Variants in RAB39A observed in about 807,000 individuals in gnomAD.
RAB39A encodes RAB39A, member RAS oncogene family, also known as ras-related protein Rab-39A.
RAB39A carries 17 observed loss-of-function variants against 20.9 expected under a neutral mutation model. The observed-to-expected ratio is 0.81, with a 90% confidence interval of 0.56 to 1.22. The LOEUF (loss-of-function observed/expected upper bound fraction) is 1.22, where lower values mean the gene tolerates loss of function less well. RAB39A is among the 50% of genes most tolerant of loss of function. RAB39A has a pLI of 0.00. For synonymous variants in RAB39A, 99 were observed against 103.4 expected, an observed-to-expected ratio of 0.96 and a Z score of 0.26; for missense variants, 234 against 270.5, an observed-to-expected ratio of 0.87 and a Z score of 0.95.
chr11:107,957,980 C>A (rs866487206), intron 1 of RAB39A, among the ~76,000 whole-genome samples: 1 of 152,012 alleles, frequency 6.6e-6, no homozygotes, highest in African/African-American at 2.4e-5. Flanking sequence ...CAACTTCTGC[C>A]TCCTGGGTTC....
At chr11:107,950,942 C>G (rs890754434) in intron 1 of RAB39A, among the ~76,000 whole-genome samples, 11 of 151,946 alleles carry the variant, frequency 7.2e-5, no homozygotes, top group African/African-American at 2.2e-4. Flanking sequence ...GAAAGCATCA[C>G]TATCATAAAA....
chr11:107,950,795 C>T (rs1861370767), intron 1 of RAB39A, among the ~76,000 whole-genome samples: 2 of 150,040 alleles, frequency 1.3e-5, no homozygotes, highest in Non-Finnish European at 3.0e-5. Flanking sequence ...AAAATCCTTG[C>T]TCTCATAGAG....
intron 1 of RAB39A, among the ~76,000 whole-genome samples, chr11:107,941,182 T>G (rs113450121): frequency 8.5e-4 from 130 of 152,298 alleles, no homozygotes; most frequent in African/African-American, 3.1e-3. Context: ...ATCAAATAGT[T>G]TTGAAAATGC....
chr11:107,951,615 A>AT (rs4028253), intron 1 of RAB39A, among the ~76,000 whole-genome samples: 30,313 of 105,230 alleles, frequency 0.29, 5,672 homozygotes, highest in South Asian at 0.45. Context: ...CCATTTTCAG[A>AT]TTTTTTTTTT....
intron 1 of RAB39A, among the ~76,000 whole-genome samples, chr11:107,932,164 G>T (rs1451386974): frequency 3.3e-5 from 5 of 152,056 alleles, no homozygotes; most frequent in African/African-American, 9.7e-5. Flanking sequence ...CGCCAGGCCA[G>T]CCTTAGTTTT....
intron 1 of RAB39A, among the ~76,000 whole-genome samples, chr11:107,941,675 T>A (rs182880333): frequency 1.3e-5 from 2 of 152,120 alleles, no homozygotes; most frequent in Admixed American, 1.3e-4. Flanking sequence ...TAAATCTGGA[T>A]GAAAGATAAA....
intron 1 of RAB39A, among the ~76,000 whole-genome samples, chr11:107,931,692 T>C (rs953499899): frequency 9.9e-5 from 15 of 152,210 alleles, no homozygotes; most frequent in African/African-American, 2.2e-4. Context: ...CATGAAGAAT[T>C]TGTGGGAAAT....
chr11:107,933,729 C>T (rs976480332), intron 1 of RAB39A, among the ~76,000 whole-genome samples: 2 of 147,408 alleles, frequency 1.4e-5, no homozygotes, highest in Admixed American at 7.0e-5. Flanking sequence ...GGCGCAATCT[C>T]GGCTCACTGC....
chr11:107,961,928 T>C lies in RAB39A; in HGVS notation c.228-18T>C, dbSNP rs200392395. On this transcript the variant is annotated intron_variant, in intron 1 of 1. Coordinates refer to ENST00000320578, the MANE Select transcript of RAB39A (RefSeq NM_017516.3). ...AACAAGTTGTCCTTATACAACCTTT[T>C]TTCTCTTCATTTTTCAGATCAATAA... The C allele has an allele frequency of 2.2e-5, 35 of 1,584,806 alleles. No individual in the cohort carries two copies. Among genetic ancestry groups the C allele is most frequent in the Non-Finnish European group, 2.9e-5 (34 of 1,162,486 alleles).
intron 1 of RAB39A, among the ~76,000 whole-genome samples, chr11:107,951,332 A>AT (rs1861376695): frequency 6.6e-6 from 1 of 152,206 alleles, no homozygotes; most frequent in Non-Finnish European, 1.5e-5. Context: ...GGCAGTAGGA[A>AT]TGTAATGTCA....
chr11:107,943,612 C>A (rs1246920449), intron 1 of RAB39A, among the ~76,000 whole-genome samples: 1 of 151,168 alleles, frequency 6.6e-6, no homozygotes, highest in African/African-American at 2.4e-5. Flanking sequence ...CAAGGATTTA[C>A]TTGTGGAAAT....
At chr11:107,950,284 TA>T (rs569379976) in intron 1 of RAB39A, among the ~76,000 whole-genome samples, 5 of 152,246 alleles carry the variant, frequency 3.3e-5, no homozygotes, top group Non-Finnish European at 7.3e-5. Flanking sequence ...ATCCCTACTG[TA>T]AATATTGAAA....
At chr11:107,936,544 G>C (rs1251598116) in intron 1 of RAB39A, among the ~76,000 whole-genome samples, 2 of 152,090 alleles carry the variant, frequency 1.3e-5, no homozygotes, top group Non-Finnish European at 2.9e-5. Context: ...TTAAAAGCAA[G>C]CAATATTAAC....
At chr11:107,932,857 T>C (rs1861151989) in intron 1 of RAB39A, among the ~76,000 whole-genome samples, 1 of 152,068 alleles carries the variant, frequency 6.6e-6, no homozygotes, top group Non-Finnish European at 1.5e-5. Flanking sequence ...ACTACAGGTG[T>C]GTGCCGCCAT....
chr11:107,943,624 C>T (rs1861281453), intron 1 of RAB39A, among the ~76,000 whole-genome samples: 1 of 151,274 alleles, frequency 6.6e-6, no homozygotes, highest in African/African-American at 2.4e-5. Flanking sequence ...TGTGGAAATC[C>T]ATGCATTTAT....
Position 107,928,785 on chromosome 11 carries a change from G to GAGCGGTTCATT in RAB39A, c.226_227insTTAGCGGTTCA (p.Arg76IlefsTer7). The GAGCGGTTCATT allele has an allele frequency of 6.3e-7, 1 of 1,579,788 alleles. No individual in the cohort carries two copies. Among genetic ancestry groups the GAGCGGTTCATT allele is most frequent in the East Asian group, 2.3e-5 (1 of 43,050 alleles). On this transcript the variant is annotated frameshift_variant, in exon 1 of 2. Transcript: ENST00000320578. LOFTEE classifies it high-confidence loss of function. This position sits in a 1 kb window ranked among gnomAD's most constrained non-coding sequence, Gnocchi z 4.9. ...ACAGCTCTGGGACACGGCGGGACAGGAGCGGTTCAGGTAGGGACCCCGGGG... is the reference window on the plus strand; with the variant it reads ...ACAGCTCTGGGACACGGCGGGACAGGAGCGGTTCATTAGCGGTTCAGGTAGGGACCCCGGGG...
chr11:107,947,251 G>T (rs10789643), intron 1 of RAB39A, among the ~76,000 whole-genome samples: 100,781 of 151,570 alleles, frequency 0.66, 33,818 homozygotes, highest in South Asian at 0.76. Context: ...ACAGGCGTCC[G>T]CCACCACGCC....
At chr11:107,940,883 G>A (rs1861251814) in intron 1 of RAB39A, among the ~76,000 whole-genome samples, 1 of 151,854 alleles carries the variant, frequency 6.6e-6, no homozygotes, top group Non-Finnish European at 1.5e-5. Flanking sequence ...TGAGGAAGGA[G>A]AATCACTTGA....
chr11:107,951,901 T>A (rs545551944), intron 1 of RAB39A, among the ~76,000 whole-genome samples: 1 of 152,190 alleles, frequency 6.6e-6, no homozygotes, highest in African/African-American at 2.4e-5. Flanking sequence ...ATCTGAGATA[T>A]CATTTACATT....
Sources: allele counts gnomAD v4.1 joint callset (sites outside exome capture counted in the v4.1 genomes callset), GRCh38; gene constraint gnomAD v4.1.1; non-coding constraint Gnocchi (gnomAD v3.1); transcripts MANE v1.5; gene names NCBI Gene and HGNC (gene_info 2026-07-23, HGNC 2026-07-21).